The following NWD1 variants were observed in gnomAD, a reference collection of about 807,000 sequenced individuals.
NWD1 encodes the protein NACHT and WD repeat domain containing 1.
In NWD1, 129 loss-of-function variants were observed where a neutral mutation model predicts 135.1. The ratio of observed to expected loss-of-function variants is 0.96; its 90% CI spans 0.83 to 1.11. The LOEUF (loss-of-function observed/expected upper bound fraction) is 1.11. Ranked by LOEUF, NWD1 falls within the 50% of genes least tolerant of loss-of-function variation. NWD1 has a pLI of 0.00. For synonymous variants in NWD1, 773 were observed against 786.0 expected (o/e 0.98, Z 0.28); for missense variants, 1,740 against 1,851.3 (o/e 0.94, Z 1.10).
chr19:16,763,712 A>G (rs1969105805), intron 8 of NWD1, 116 bp from the exon 9 acceptor site: 2 of 708,926 alleles, frequency 2.8e-6, no homozygotes, highest in Non-Finnish European at 5.1e-6. Context: ...TCTGTCTTCC[A>G]TTGCATTCTC....
chr19:16,798,617 A>C (rs1287421497), intron 16 of NWD1, among the ~76,000 whole-genome samples: 1 of 152,246 alleles, frequency 6.6e-6, no homozygotes. Flanking sequence ...TCTCCAAAAA[A>C]ATAAGAATAA....
intron 4 of NWD1, among the ~76,000 whole-genome samples, chr19:16,743,990 A>G (rs1048357326): frequency 3.9e-5 from 6 of 152,080 alleles, no homozygotes; most frequent in African/African-American, 9.7e-5. Flanking sequence ...GCCGATATAC[A>G]TTTATTAATA....
At chr19:16,785,220 T>C (rs990400305) in intron 12 of NWD1, among the ~76,000 whole-genome samples, 11 of 151,596 alleles carry the variant, frequency 7.3e-5, no homozygotes, top group African/African-American at 2.7e-4. Context: ...TTAAAATTAT[T>C]AATGTGATAG....
At chr19:16,761,315 G>T (rs1006146899) in intron 7 of NWD1, among the ~76,000 whole-genome samples, 3 of 148,686 alleles carry the variant, frequency 2.0e-5, no homozygotes, top group African/African-American at 7.9e-5. Context: ...ACATGCATGT[G>T]TAAGGTTTTG....
At chr19:16,773,500 T>C (rs779026868) in intron 11 of NWD1, among the ~76,000 whole-genome samples, 177 bp downstream of exon 11, 5 of 152,110 alleles carry the variant, frequency 3.3e-5, no homozygotes, top group Non-Finnish European at 7.4e-5. Context: ...CTGCCCCACC[T>C]CAAGGGACTG....
intron 14 of NWD1, 144 bp downstream of exon 14, chr19:16,791,766 T>A: frequency 1.2e-6 from 1 of 809,138 alleles, no homozygotes; most frequent in Non-Finnish European, 2.0e-6. Flanking sequence ...CAGGCTGGAG[T>A]GCAATGGTGT....
chr19:16,746,123 G>A (rs897168855), intron 5 of NWD1, among the ~76,000 whole-genome samples: 3 of 151,802 alleles, frequency 2.0e-5, no homozygotes, highest in East Asian at 1.9e-4. Flanking sequence ...GGGAGTCTGA[G>A]GTGGGTGGAT....
At chr19:16,758,135 A>G (rs1313458444) in intron 6 of NWD1, among the ~76,000 whole-genome samples, 1 of 152,200 alleles carries the variant, frequency 6.6e-6, no homozygotes, top group Non-Finnish European at 1.5e-5. Context: ...CACAAAAACT[A>G]TGGAACACTT....
intron 13 of NWD1, among the ~76,000 whole-genome samples, chr19:16,790,468 G>A (rs541720124): frequency 6.9e-4 from 104 of 151,202 alleles, no homozygotes; most frequent in Middle Eastern, 3.4e-3. Context: ...AATTCGGGGG[G>A]TAGGGGGTAA....
rs533746400 is a variant in NWD1, at chr19:16,740,980, G to A, written c.199-3441G>A. On this transcript the variant is annotated intron_variant, in intron 4 of 18. Coordinates refer to ENST00000524140, the MANE Select transcript of NWD1 (RefSeq NM_001007525.5). ...TCAAGACCAGCCTGGCCAACATGGC[G>A]AAACCCTGTCTCTACTAAAAATACA... is the stretch of plus-strand genomic sequence containing the variant. Among the ~76,000 whole-genome samples the A allele has an allele frequency of 1.5e-3, 232 of 152,198 alleles. 3 individuals carry two copies. The highest frequency in any genetic ancestry group is 5.3e-3 in the African/African-American group (222 of 41,552).
intron 6 of NWD1, among the ~76,000 whole-genome samples, chr19:16,752,285 T>C (rs942799642): frequency 4.6e-5 from 7 of 151,096 alleles, no homozygotes; most frequent in Admixed American, 4.0e-4. Flanking sequence ...ATCTAGAGGG[T>C]GGTGGTCAAC....
intron 4 of NWD1, among the ~76,000 whole-genome samples, chr19:16,738,642 A>G (rs886725266): frequency 6.7e-6 from 1 of 148,640 alleles, no homozygotes; most frequent in Non-Finnish European, 1.5e-5. Flanking sequence ...TCTGAGACCT[A>G]AAGTGTCCCA....
Position 16,791,521 on chromosome 19 carries a change from C to T in NWD1, c.3112C>T (p.Gln1038Ter). The change falls in exon 14 of 19, where the codon CAA becomes TAA. Residue 1038 changes from glutamine to a stop codon, truncating the protein, a stop_gained. Coordinates refer to ENST00000524140, the MANE Select transcript of NWD1 (RefSeq NM_001007525.5). LOFTEE classifies it high-confidence loss of function. Reference protein sequence around the residue: ...SSATGKLQGKQHMSSIKEETP... With the variant: ...SSATGKLQGK ...AGCTACGGGAAAACTTCAGGGGAAG[C>T]AACATATGTCCAGCATCAAAGAAGA... The T allele has an allele frequency of 6.2e-7, 1 of 1,614,064 alleles. No individual in the cohort carries two copies.
chr19:16,768,206 G>A (rs1268953600), intron 10 of NWD1, among the ~76,000 whole-genome samples: 1 of 151,994 alleles, frequency 6.6e-6, no homozygotes, highest in African/African-American at 2.4e-5. Context: ...ATGTTAGCCA[G>A]GCTGGTCTCG....
At chr19:16,810,210 G>A (rs887160743) in intron 18 of NWD1, among the ~76,000 whole-genome samples, 2 of 152,034 alleles carry the variant, frequency 1.3e-5, no homozygotes, top group Non-Finnish European at 2.9e-5. Flanking sequence ...GGCTGAGGCG[G>A]GTGGATCACC....
At chr19:16,738,570 A>C (rs1967934337) in intron 4 of NWD1, among the ~76,000 whole-genome samples, 1 of 149,266 alleles carries the variant, frequency 6.7e-6, no homozygotes, top group South Asian at 2.1e-4. Flanking sequence ...CTCTGTCAAA[A>C]AAAAAAAAAA....
intron 10 of NWD1, among the ~76,000 whole-genome samples, chr19:16,768,542 G>A (rs1969308566): frequency 1.3e-5 from 2 of 152,102 alleles, no homozygotes; most frequent in Non-Finnish European, 2.9e-5. Flanking sequence ...AACTATGGGA[G>A]ACAATAAATA....
intron 6 of NWD1, among the ~76,000 whole-genome samples, chr19:16,758,057 A>C (rs1197809715): frequency 2.0e-5 from 3 of 151,846 alleles, no homozygotes; most frequent in Non-Finnish European, 2.9e-5. Context: ...GTCTCAAAAA[A>C]AAAAAAAGAA....
intron 3 of NWD1, 111 bp downstream of exon 3, chr19:16,731,389 C>T: frequency 6.3e-6 from 4 of 630,400 alleles, no homozygotes; most frequent in Non-Finnish European, 1.1e-5. Flanking sequence ...TCACTGCAAC[C>T]TCTGCCTCCC....
Sources: allele counts gnomAD v4.1 joint callset (sites outside exome capture counted in the v4.1 genomes callset), GRCh38; gene constraint gnomAD v4.1.1; transcripts MANE v1.5; gene names NCBI Gene and HGNC (gene_info 2026-07-23, HGNC 2026-07-21).